Variants in COL4A2 observed in about 807,000 individuals in gnomAD.
COL4A2 encodes the protein collagen alpha-2(IV) chain.
Under a neutral mutation model 200.2 loss-of-function variants are expected in COL4A2, and 99 were observed. The observed-to-expected ratio is 0.49, with a 90% confidence interval of 0.42 to 0.58. The LOEUF is 0.58. COL4A2 is among the 20% of genes least tolerant of loss of function. COL4A2 has a pLI of 0.00. For synonymous variants in COL4A2, 897 were observed against 900.6 expected (o/e 1.00, Z 0.07); for missense variants, 1,950 against 2,314.1 (o/e 0.84, Z 3.23).
At chr13:110,393,618 C>CCTGTAAT (rs1386613715) in intron 4 of COL4A2, among the ~76,000 whole-genome samples, 9 of 151,088 alleles carry the variant, frequency 6.0e-5, no homozygotes, top group Non-Finnish European at 1.0e-4. Flanking sequence ...GTGGCTCACA[C>CCTGTAAT]CTGTAATCCC....
Position 110,307,830 on chromosome 13 carries a change from C to T in COL4A2, c.-44-30C>T. The T allele has an allele frequency of 1.3e-6, 2 of 1,532,230 alleles. No homozygotes were observed. The highest frequency in any genetic ancestry group is 2.3e-5 in the East Asian group (1 of 43,680). 94.9% of individuals were successfully genotyped at this position (1,532,230 alleles called of 1,614,324 possible). A position where few individuals can be genotyped will look rare whatever the true frequency, so the allele number is the denominator to read the frequency against. ...AGGATGGGCTGCCTCCCTCATCCTG[C>T]GCTAAACTCGCTTTGTCTGTCGCCT... On this transcript the variant is annotated intron_variant, in intron 1 of 47. Coordinates refer to ENST00000360467, the MANE Select transcript of COL4A2 (RefSeq NM_001846.4). The surrounding 1 kb of genome is among the most constrained non-coding windows in gnomAD (Gnocchi z 5.0).
chr13:110,445,111 G>A (rs903848591), intron 16 of COL4A2, among the ~76,000 whole-genome samples: 10 of 152,198 alleles, frequency 6.6e-5, no homozygotes, highest in East Asian at 3.9e-4. Flanking sequence ...TTGGCTTCCC[G>A]AAGTGCTGGG....
At chr13:110,501,550 A>C in intron 40 of COL4A2, 118 bp from the exon 41 acceptor site, 21 of 847,748 alleles carry the variant, frequency 2.5e-5, no homozygotes, top group African/African-American at 3.5e-5. Flanking sequence ...GGCACCTCCC[A>C]TCACTGTCTC....
intron 4 of COL4A2, among the ~76,000 whole-genome samples, chr13:110,405,409 G>A (rs1174692249): frequency 6.6e-6 from 1 of 152,208 alleles, no homozygotes; most frequent in African/African-American, 2.4e-5. Context: ...AGGCCCACTA[G>A]TGGGTCCCGG....
chr13:110,340,057 C>T (rs1317155515), intron 3 of COL4A2, among the ~76,000 whole-genome samples: 1 of 152,250 alleles, frequency 6.6e-6, no homozygotes, highest in Non-Finnish European at 1.5e-5. Context: ...AATGGGCCTC[C>T]TGGTTCACAG....
intron 4 of COL4A2, among the ~76,000 whole-genome samples, chr13:110,365,377 G>A (rs901593190): frequency 2.0e-5 from 3 of 152,280 alleles, no homozygotes; most frequent in Admixed American, 6.5e-5. Context: ...CTGACCTCAG[G>A]TGATTCACCT....
chr13:110,316,545 C>A (rs1885133631), intron 3 of COL4A2, among the ~76,000 whole-genome samples: 1 of 152,210 alleles, frequency 6.6e-6, no homozygotes, highest in Admixed American at 6.5e-5. Flanking sequence ...CTGGGAGATT[C>A]TTTGTGGGAT....
At chr13:110,326,942 T>C (rs1401127313) in intron 3 of COL4A2, among the ~76,000 whole-genome samples, 3 of 152,240 alleles carry the variant, frequency 2.0e-5, no homozygotes, top group Non-Finnish European at 4.4e-5. Flanking sequence ...GACAATAAGC[T>C]TGGCTTCGTG....
intron 32 of COL4A2, among the ~76,000 whole-genome samples, chr13:110,482,888 G>T (rs1247451246): frequency 6.6e-6 from 1 of 152,174 alleles, no homozygotes; most frequent in African/African-American, 2.4e-5. Context: ...GGAAACTCTT[G>T]AGAACCAAAA....
rs113629581 is a variant in COL4A2 at position 110,420,850 on chromosome 13, A to T, written c.181-3884A>T. Among the ~76,000 whole-genome samples the T allele has an allele frequency of 4.4e-3, 676 of 152,282 alleles. 2 individuals are homozygous for T. Among genetic ancestry groups the T allele is most frequent in the African/African-American group, 0.015 (633 of 41,554 alleles). On this transcript the variant is annotated intron_variant, in intron 4 of 47. Coordinates refer to ENST00000360467, the MANE Select transcript of COL4A2 (RefSeq NM_001846.4). ...GTGGCCTCCTCGGGCCATGCTGTAA[A>T]TGTCCATTTAATCCCAGCAAGGCAG...
chr13:110,438,143 G>T (rs1011098519), intron 14 of COL4A2, 106 bp downstream of exon 14: 1 of 825,818 alleles, frequency 1.2e-6, no homozygotes, highest in South Asian at 1.5e-5. Flanking sequence ...CACACCGCCA[G>T]TCTCTCATCC....
intron 3 of COL4A2, among the ~76,000 whole-genome samples, chr13:110,339,488 T>C (rs1876357542): frequency 6.6e-6 from 1 of 152,154 alleles, no homozygotes; most frequent in Admixed American, 6.5e-5. Context: ...GTTTACTGCC[T>C]CCGACCCAAT....
chr13:110,501,918 T>C (rs1883658715), intron 41 of COL4A2, 134 bp downstream of exon 41: 4 of 841,112 alleles, frequency 4.8e-6, no homozygotes, highest in Non-Finnish European at 7.7e-6. Context: ...GCAGGAGCCA[T>C]GATGGCTCCT....
Position 110,489,441 on chromosome 13 carries a change from T to C in COL4A2, c.3208-4T>C. The C allele has an allele frequency of 6.2e-7, 1 of 1,614,100 alleles. No homozygotes were observed. The highest frequency in any genetic ancestry group is 8.5e-7 in the Non-Finnish European group (1 of 1,179,996). On this transcript the variant is annotated splice_region_variant and splice_polypyrimidine_tract_variant and intron_variant, in intron 34 of 47. Coordinates refer to ENST00000360467, the MANE Select transcript of COL4A2 (RefSeq NM_001846.4). ...CTTCTAAGATGGTTCATGTCTGTCT[T>C]TAGGGTGACAAAGGTGCCCCAGGGA...
At chr13:110,390,054 G>T (rs1164056901) in intron 4 of COL4A2, among the ~76,000 whole-genome samples, 4 of 152,150 alleles carry the variant, frequency 2.6e-5, no homozygotes. Flanking sequence ...TTAAGATGAA[G>T]ACTCTCAGTG....
chr13:110,347,144 A>G (rs781125095), intron 3 of COL4A2, among the ~76,000 whole-genome samples: 13 of 152,066 alleles, frequency 8.5e-5, no homozygotes, highest in Non-Finnish European at 1.8e-4. Flanking sequence ...CCCTTTCCTC[A>G]CTCAGCCAGA....
At chr13:110,408,923 ACACG>A (rs1879702876) in intron 4 of COL4A2, among the ~76,000 whole-genome samples, 1 of 59,184 alleles carries the variant, frequency 1.7e-5, no homozygotes, top group African/African-American at 5.4e-5. Flanking sequence ...ACATGCACAC[ACACG>A]TACACACGCA....
chr13:110,307,964 CTGGTCCCCG>C lies in COL4A2; in HGVS notation c.44+21_44+29del, dbSNP rs767049610. 3 of 1,612,448 alleles carry C rather than the reference CTGGTCCCCG, an allele frequency of 1.9e-6. No homozygotes were observed. The South Asian group carries it at 3.3e-5, about 18-fold the overall frequency. Reference sequence around the variant, plus strand: ...CCTACGGCGGTAAGCGACTTTCTGCCTGGTCCCCGTGGGTCACGCGCGCATGGACCCTTC... The same window carrying C: ...CCTACGGCGGTAAGCGACTTTCTGCCTGGGTCACGCGCGCATGGACCCTTC... On this transcript the variant is annotated intron_variant, in intron 2 of 47. Transcript: ENST00000360467. The surrounding 1 kb of genome is among the most constrained non-coding windows in gnomAD (Gnocchi z 5.0).
Position 110,424,855 on chromosome 13 carries a change from C to A in COL4A2, c.302C>A (p.Pro101His), listed in dbSNP as rs774660355. 17 of 1,614,104 alleles carry A rather than the reference C, an allele frequency of 1.1e-5. No homozygotes were observed. The South Asian group carries it at 1.9e-4, about 18-fold the overall frequency. The change falls in exon 5 of 48, where the codon CCC becomes CAC. Residue 101 changes from proline to histidine, a missense_variant. Pro to His is a moderately conservative substitution (Grantham distance 77). Transcript: ENST00000360467. ...GERGAPGVTG[P>H]KGDVGARGVS... ...AGGGGAGCCCCCGGAGTAACGGGACCCAAGGGCGACGTGGTACGCACCGCT... is the reference window on the plus strand; with the variant it reads ...AGGGGAGCCCCCGGAGTAACGGGACACAAGGGCGACGTGGTACGCACCGCT...
Sources: gnomAD v4.1 joint callset for allele counts (sites outside exome capture counted in the v4.1 genomes callset) on GRCh38, gnomAD v4.1.1 for gene constraint, Gnocchi (gnomAD v3.1) non-coding constraint, MANE v1.5 for transcripts, NCBI Gene and HGNC (gene_info 2026-07-23, HGNC 2026-07-21) for gene names.